The following MFSD11 variants were observed in gnomAD, a reference collection of about 807,000 sequenced individuals.
The protein encoded by MFSD11 is UNC93-like protein MFSD11.
A neutral mutation model predicts 53.5 loss-of-function variants in MFSD11; 36 were observed. The observed-to-expected ratio is 0.67, with a 90% CI of 0.52 to 0.89. The LOEUF is 0.89. Ranked by LOEUF, MFSD11 falls within the 40% of genes least tolerant of loss-of-function variation. The pLI is 0.00. For missense variants in MFSD11, 530 were observed against 543.9 expected (o/e 0.97, Z 0.25); for synonymous variants, 186 against 184.9 (o/e 1.01, Z -0.05).
intron 5 of MFSD11, among the ~76,000 whole-genome samples, chr17:76,742,961 T>C (rs534589083): frequency 6.6e-6 from 1 of 152,328 alleles, no homozygotes; most frequent in East Asian, 1.9e-4. Context: ...AAGAGTTGTA[T>C]ATTAAGAAAC....
chr17:76,769,853 G>A lies in MFSD11; in HGVS notation c.856G>A (p.Gly286Ser), dbSNP rs528515664. 2.9e-5 allele frequency: 47 copies of A among 1,607,150 alleles called. No individual in the cohort carries two copies. The highest frequency in any genetic ancestry group is 6.8e-5 in the South Asian group (6 of 88,794). Residue 286 changes from glycine (G) to serine (S), a missense_variant, in exon 10 of 13, where the codon GGC becomes AGC. Gly to Ser is a moderately conservative substitution (Grantham distance 56). Transcript: ENST00000685175. The part of the protein sequence containing the change: ...SLIGLSGIFI[G>S]IGEILGGSLF... ...TATTGGACTTTCTGGCATTTTCATCGGCATTGGAGAAATTTTAGGTTGGTT... is the reference window on the plus strand; with the variant it reads ...TATTGGACTTTCTGGCATTTTCATCAGCATTGGAGAAATTTTAGGTTGGTT...
Position 76,778,639 on chromosome 17 carries a change from T to C in MFSD11, c.*287T>C, listed in dbSNP as rs1025312416. 1 of 320,796 alleles carries C rather than the reference T, an allele frequency of 3.1e-6. No homozygotes were observed. Among genetic ancestry groups the C allele is most frequent in the Non-Finnish European group, 5.7e-6 (1 of 174,208 alleles). 19.9% of individuals were successfully genotyped at this position (320,796 alleles called of 1,614,324 possible). A position where few individuals can be genotyped will look rare whatever the true frequency, so the allele number is the denominator to read the frequency against. ...TTATAATCATGTTATAGAATGTAAA[T>C]GTTTTCTTCTCTCTCCTGCTCTTGT... On this transcript the variant is annotated 3_prime_UTR_variant, in exon 13 of 13. Coordinates refer to ENST00000685175, the MANE Select transcript of MFSD11 (RefSeq NM_001242532.5).
At chr17:76,792,185 C>A in the MFSD11 span, among the ~76,000 whole-genome samples, 3 of 148,742 alleles carry the variant, frequency 2.0e-5, no homozygotes, top group African/African-American at 5.0e-5. Flanking sequence ...GTGGCACTAT[C>A]TTGGCTCACT....
At chr17:76,774,087 G>C (rs2081605693) in intron 10 of MFSD11, among the ~76,000 whole-genome samples, 1 of 150,670 alleles carries the variant, frequency 6.6e-6, no homozygotes, top group African/African-American at 2.4e-5. Context: ...CACCACACCT[G>C]GCTAATTTTT....
At chr17:76,760,617 A>T (rs956228003) in intron 8 of MFSD11, among the ~76,000 whole-genome samples, 10 of 151,140 alleles carry the variant, frequency 6.6e-5, no homozygotes, top group African/African-American at 1.9e-4. Flanking sequence ...TGCAACCTCC[A>T]CCTCTTGGGT....
At chr17:76,764,273 A>G (rs2080589407) in intron 8 of MFSD11, among the ~76,000 whole-genome samples, 1 of 152,102 alleles carries the variant, frequency 6.6e-6, no homozygotes, top group South Asian at 2.1e-4. Context: ...AACATTTAAG[A>G]TCTACTTTCC....
chr17:76,772,562 G>A (rs1210857868), intron 10 of MFSD11, among the ~76,000 whole-genome samples: 10 of 147,976 alleles, frequency 6.8e-5, no homozygotes, highest in Non-Finnish European at 1.3e-4. Flanking sequence ...CTGTTGCCCA[G>A]GCTGGGGTGC....
At chr17:76,790,108 G>T in the MFSD11 span, among the ~76,000 whole-genome samples, 7 of 137,030 alleles carry the variant, frequency 5.1e-5, no homozygotes, top group South Asian at 1.5e-3. Context: ...TTGAGACAGA[G>T]TCTCACTCTG....
At chr17:76,803,272 C>T in the MFSD11 span, among the ~76,000 whole-genome samples, 2 of 152,232 alleles carry the variant, frequency 1.3e-5, no homozygotes, top group African/African-American at 4.8e-5. Flanking sequence ...CCAACTCCAT[C>T]TTGCTTTGCA....
the MFSD11 span, among the ~76,000 whole-genome samples, chr17:76,795,659 T>C: frequency 4.0e-3 from 609 of 152,196 alleles, 6 homozygotes; most frequent in African/African-American, 0.014. Flanking sequence ...ATGAGGGATG[T>C]TGTAATTTTG....
intron 8 of MFSD11, 110 bp from the exon 9 acceptor site, chr17:76,767,275 GT>G: frequency 1.5e-6 from 1 of 646,158 alleles, no homozygotes; most frequent in African/African-American, 1.8e-5. Flanking sequence ...ATCCCAAAGT[GT>G]TCGTTTACTG....
chr17:76,739,233 A>G (rs1478332961), intron 2 of MFSD11, among the ~76,000 whole-genome samples: 3 of 152,196 alleles, frequency 2.0e-5, no homozygotes, highest in Non-Finnish European at 2.9e-5. Flanking sequence ...ATCTTAGGTA[A>G]GTGTTTCCGT....
At chr17:76,767,240 T>G in intron 8 of MFSD11, 146 bp from the exon 9 acceptor site, 1 of 578,288 alleles carries the variant, frequency 1.7e-6, no homozygotes, top group South Asian at 2.2e-5. Context: ...AGTTCATGCC[T>G]TAAGCATTTT....
chr17:76,739,329 T>C (rs549367891), intron 2 of MFSD11, among the ~76,000 whole-genome samples: 6 of 152,364 alleles, frequency 3.9e-5, no homozygotes, highest in Non-Finnish European at 7.3e-5. Flanking sequence ...ATTGTCATGA[T>C]TAGAATTCCC....
intron 10 of MFSD11, among the ~76,000 whole-genome samples, chr17:76,774,442 CACTTA>C (rs2081635530): frequency 6.6e-6 from 1 of 152,136 alleles, no homozygotes; most frequent in Non-Finnish European, 1.5e-5. Flanking sequence ...GGGTAGAAAT[CACTTA>C]AAAATTATAA....
intron 8 of MFSD11, among the ~76,000 whole-genome samples, chr17:76,762,731 A>G (rs1464403617): frequency 6.6e-6 from 1 of 152,128 alleles, no homozygotes; most frequent in Non-Finnish European, 1.5e-5. Flanking sequence ...TTAATTGACA[A>G]AGGCTTGAGT....
chr17:76,740,161 G>A (rs1179982568), intron 2 of MFSD11, among the ~76,000 whole-genome samples: 11 of 129,850 alleles, frequency 8.5e-5, no homozygotes, highest in East Asian at 2.2e-4. Flanking sequence ...GCGACAGAGC[G>A]AGGCTCCGTC....
upstream of MFSD11, chr17:76,736,963 G>A (rs1598434003): frequency 6.2e-7 from 1 of 1,613,524 alleles, no homozygotes; most frequent in Non-Finnish European, 8.5e-7. Context: ...CCTCAGCGTC[G>A]CGCTTGTCGT....
the MFSD11 span, among the ~76,000 whole-genome samples, chr17:76,797,075 AG>A: frequency 6.6e-6 from 1 of 152,320 alleles, no homozygotes; most frequent in South Asian, 2.1e-4. Context: ...AGGCTGAGGC[AG>A]GAGAATTGCT....
Sources: allele counts gnomAD v4.1 joint callset (sites outside exome capture counted in the v4.1 genomes callset), GRCh38; gene constraint gnomAD v4.1.1; transcripts MANE v1.5; gene names NCBI Gene and HGNC (gene_info 2026-07-23, HGNC 2026-07-21).